Variants in RTN3 observed in about 807,000 individuals in gnomAD.
RTN3 encodes the protein reticulon-3.
Under a neutral mutation model 77.8 loss-of-function variants are expected in RTN3, and 49 were observed. The observed-to-expected ratio is 0.63, with a 90% CI of 0.50 to 0.80. RTN3 has a LOEUF of 0.80. Among genes scored for constraint, RTN3 ranks in the 30% least tolerant of loss-of-function variants. The pLI is 0.00. For missense variants in RTN3, 1,236 were observed against 1,211.9 expected (o/e 1.02, Z -0.29); for synonymous variants, 464 against 446.9 (o/e 1.04, Z -0.48).
chr11:63,729,020 A>C (rs1590852441), intron 3 of RTN3, among the ~76,000 whole-genome samples: 1 of 152,204 alleles, frequency 6.6e-6, no homozygotes, highest in East Asian at 1.9e-4. Context: ...AACATCTTAT[A>C]AAGTGCCCAA....
chr11:63,753,689 T>C lies in RTN3; in HGVS notation c.2975T>C (p.Ile992Thr), dbSNP rs1241932195. The C allele has an allele frequency of 7.4e-6, 12 of 1,613,886 alleles. No individual in the cohort carries two copies. Among genetic ancestry groups the C allele is most frequent in the Non-Finnish European group, 1.0e-5 (12 of 1,179,806 alleles). ...GAACTGCTCATTTTCAGTGTCCCGA[T>C]TGTCTATGAGAAGTACAAGGTAAGC... ...LAELLIFSVPIVYEKYKTQID... is the reference protein window; with the variant it reads ...LAELLIFSVPTVYEKYKTQID... The change falls in exon 7 of 9, where the codon ATT (isoleucine) becomes ACT (threonine). Residue 992 changes from isoleucine to threonine, a missense_variant. Transcript: ENST00000377819.
chr11:63,708,204 G>A (rs556458920), intron 2 of RTN3, among the ~76,000 whole-genome samples: 10 of 152,266 alleles, frequency 6.6e-5, no homozygotes, highest in Admixed American at 1.3e-4. Flanking sequence ...CCACCTGCAT[G>A]CACTTTGAGT....
At chr11:63,730,357 CAGTA>C (rs1261551275) in intron 3 of RTN3, among the ~76,000 whole-genome samples, 2 of 152,152 alleles carry the variant, frequency 1.3e-5, no homozygotes, top group Admixed American at 6.5e-5. Flanking sequence ...GCCATGCAAA[CAGTA>C]AGCATAAGAA....
At chr11:63,682,608 C>T (rs1223785427) in intron 1 of RTN3, among the ~76,000 whole-genome samples, 1 of 146,344 alleles carries the variant, frequency 6.8e-6, no homozygotes, top group African/African-American at 2.6e-5. Context: ...CTGTGGGCTA[C>T]TATTGATCGA....
intron 1 of RTN3, among the ~76,000 whole-genome samples, chr11:63,694,297 C>T (rs1941819894): frequency 6.6e-6 from 1 of 152,040 alleles, no homozygotes; most frequent in Non-Finnish European, 1.5e-5. Flanking sequence ...CTGCCTCAGC[C>T]TCCCAAGTAG....
At chr11:63,740,448 A>ATTTTTTTTTTT (rs34045543) in intron 3 of RTN3, among the ~76,000 whole-genome samples, 68 of 120,734 alleles carry the variant, frequency 5.6e-4, no homozygotes, top group African/African-American at 9.0e-4. Flanking sequence ...TGCCTGGCTA[A>ATTTTTTTTTTT]TTTTTTTTTT....
intron 1 of RTN3, among the ~76,000 whole-genome samples, chr11:63,686,246 G>A (rs569418920): frequency 6.6e-6 from 1 of 152,136 alleles, no homozygotes; most frequent in South Asian, 2.1e-4. Flanking sequence ...CGAGGCAGGC[G>A]GATCACGAGG....
rs1406600158 is a variant in RTN3 at position 63,758,431 on chromosome 11, A to T, written c.*230A>T. The T allele has an allele frequency of 5.7e-6, 7 of 1,231,690 alleles. No homozygotes were observed. The highest frequency in any genetic ancestry group is 7.9e-6 in the Non-Finnish European group (7 of 887,074). 76.3% of individuals were successfully genotyped at this position (1,231,690 alleles called of 1,614,324 possible). ...TAGAACTCAGAAGAAGAAAGAATCA[A>T]ATTCATAGGATAAGTCAATACCTTA... On this transcript the variant is annotated 3_prime_UTR_variant, in exon 9 of 9. Transcript: ENST00000377819.
intron 1 of RTN3, among the ~76,000 whole-genome samples, chr11:63,690,986 C>T (rs573590103): frequency 2.0e-4 from 31 of 152,200 alleles, no homozygotes; most frequent in Non-Finnish European, 4.4e-4. Flanking sequence ...TTTTATTACC[C>T]CAAAGAGAAA....
intron 1 of RTN3, among the ~76,000 whole-genome samples, chr11:63,688,223 C>CTTTT (rs34253380): frequency 3.8e-5 from 5 of 130,256 alleles, no homozygotes; most frequent in East Asian, 2.2e-4. Flanking sequence ...GTGTGTTTTG[C>CTTTT]TTTTTTTTTT....
chr11:63,694,912 G>A (rs759258742), intron 1 of RTN3, among the ~76,000 whole-genome samples: 9 of 152,200 alleles, frequency 5.9e-5, no homozygotes, highest in Non-Finnish European at 5.9e-5. Context: ...TCTTTTTAGT[G>A]ATGTAACAGA....
chr11:63,717,070 G>A (rs1235892239), intron 2 of RTN3, among the ~76,000 whole-genome samples: 2 of 151,968 alleles, frequency 1.3e-5, no homozygotes, highest in Non-Finnish European at 2.9e-5. Context: ...GGCTGAGGTG[G>A]GAGGATAGCT....
rs558937722 is a variant in RTN3 at position 63,701,150 on chromosome 11, C to A, written c.143-3701C>A. 2.0e-5 allele frequency among the ~76,000 whole-genome samples: 3 copies of A among 150,044 alleles called. No homozygotes were observed. In the South Asian group the frequency reaches 6.3e-4, roughly 31 times the overall value. On this transcript the variant is annotated intron_variant, in intron 1 of 8. Coordinates refer to ENST00000377819, the MANE Select transcript of RTN3 (RefSeq NM_001265589.2). ...CATATATAATTTGTTTCTTACAGTA[C>A]TTCTCTTCCAAATTTTTATACTTTC...
chr11:63,701,806 G>A (rs796530915), intron 1 of RTN3, among the ~76,000 whole-genome samples: 6 of 152,164 alleles, frequency 3.9e-5, no homozygotes, highest in African/African-American at 1.2e-4. Flanking sequence ...TTATCTGGGC[G>A]TAGTGGTGCA....
intron 1 of RTN3, among the ~76,000 whole-genome samples, chr11:63,702,979 C>T (rs1942318942): frequency 6.6e-6 from 1 of 152,120 alleles, no homozygotes; most frequent in African/African-American, 2.4e-5. Flanking sequence ...GCCACTGCGC[C>T]TGGCCTGCAC....
intron 2 of RTN3, among the ~76,000 whole-genome samples, chr11:63,715,782 T>G (rs560927795): frequency 2.6e-5 from 4 of 152,204 alleles, no homozygotes; most frequent in Non-Finnish European, 5.9e-5. Flanking sequence ...TACCATAACC[T>G]TAGTTCACTG....
At position 63,719,359 on chromosome 11, in the gene RTN3, A is replaced by G. The variant is rs766760084; in HGVS notation, c.857A>G (p.Asp286Gly). ...SVHTDKESSE[D>G]ISETNDKLFP... ...CACACTGATAAAGAATCATCCGAAG[A>G]CATTTCAGAGACTAATGACAAGCTT... The change falls in exon 3 of 9, where the codon GAC becomes GGC. Residue 286 changes from aspartate (D) to glycine (G), a missense_variant. By Grantham distance (94) the Asp-to-Gly change is moderately conservative. Around this residue, in one of 3 missense-constraint regions of RTN3, gnomAD observed 1,056 missense variants for 990.4 expected, o/e 1.07. Coordinates refer to ENST00000377819, the MANE Select transcript of RTN3 (RefSeq NM_001265589.2). 1.9e-6 allele frequency: 3 copies of G among 1,614,232 alleles called. No homozygotes were observed. The South Asian group carries it at 3.3e-5, about 18-fold the overall frequency.
At chr11:63,694,234 T>TGGCGTGACCTCGGCTCACTGCAAC (rs1941814397) in intron 1 of RTN3, among the ~76,000 whole-genome samples, 2 of 151,852 alleles carry the variant, frequency 1.3e-5, no homozygotes, top group Non-Finnish European at 2.9e-5. Context: ...TGGAGTGCAA[T>TGGCGTGACCTCGGCTCACTGCAAC]GGCGTGATCT....
chr11:63,688,410 G>GA (rs1371044320), intron 1 of RTN3, among the ~76,000 whole-genome samples: 2 of 152,044 alleles, frequency 1.3e-5, no homozygotes, highest in Non-Finnish European at 2.9e-5. Context: ...TTTTAGTAGA[G>GA]ACAGGGTTTC....
Sources: gnomAD v4.1 joint callset for allele counts (sites outside exome capture counted in the v4.1 genomes callset) on GRCh38, gnomAD v4.1.1 for gene constraint, gnomAD v4.1.1 regional missense constraint, MANE v1.5 for transcripts, NCBI Gene and HGNC (gene_info 2026-07-23, HGNC 2026-07-21) for gene names.